Variants in RIT2 observed in about 807,000 individuals in gnomAD.
The protein encoded by RIT2 is Ras like without CAAX 2.
RIT2 carries 24 observed loss-of-function variants against 23.7 expected under a neutral mutation model. The observed-to-expected ratio is 1.01, with a 90% CI of 0.73 to 1.43. RIT2 has a LOEUF of 1.43. RIT2 is among the 40% of genes most tolerant of loss of function. The pLI is 0.00. For synonymous variants in RIT2, 107 were observed against 91.1 expected (o/e 1.17, Z -0.99); for missense variants, 236 against 266.9 (o/e 0.88, Z 0.81).
intron 2 of RIT2, among the ~76,000 whole-genome samples, chr18:43,031,231 G>A (rs1035032098): frequency 6.6e-6 from 1 of 151,588 alleles, no homozygotes; most frequent in Non-Finnish European, 1.5e-5. Context: ...GAGATTATCT[G>A]CTCTAAACTA....
intron 4 of RIT2, among the ~76,000 whole-genome samples, chr18:42,860,978 T>C (rs1356589657): frequency 6.6e-6 from 1 of 152,238 alleles, no homozygotes; most frequent in Non-Finnish European, 1.5e-5. Context: ...TGTTTTTGTG[T>C]GTTTCTGTAT....
intron 1 of RIT2, among the ~76,000 whole-genome samples, chr18:43,076,867 G>A (rs1253203092): frequency 6.6e-6 from 1 of 151,982 alleles, no homozygotes; most frequent in African/African-American, 2.4e-5. Flanking sequence ...ACTTTGGGAG[G>A]CCGAGGCGGG....
chr18:42,769,149 T>G lies in RIT2; in HGVS notation c.427-25429A>C, dbSNP rs540912700. Among the ~76,000 whole-genome samples the G allele has an allele frequency of 2.6e-5, 4 of 152,212 alleles. No individual in the cohort carries two copies. In the South Asian group the frequency reaches 8.3e-4, roughly 32 times the overall value. On this transcript the variant is annotated intron_variant, in intron 4 of 4. Coordinates refer to ENST00000326695, the MANE Select transcript of RIT2 (RefSeq NM_002930.4). ...GAAGTGTTTCTACCTAAGAAAAAAGTCAATAGAAAGGTAATAAGAAGAAAG... is the reference window on the plus strand; with the variant it reads ...GAAGTGTTTCTACCTAAGAAAAAAGGCAATAGAAAGGTAATAAGAAGAAAG...
chr18:42,827,897 CGGGA>C (rs1906344172), intron 4 of RIT2, among the ~76,000 whole-genome samples: 1 of 146,320 alleles, frequency 6.8e-6, no homozygotes, highest in Admixed American at 7.0e-5. Flanking sequence ...CCCAGCTACT[CGGGA>C]GGCTGAGGCA....
chr18:42,934,533 C>A (rs1026940470), intron 3 of RIT2, among the ~76,000 whole-genome samples: 1 of 151,906 alleles, frequency 6.6e-6, no homozygotes, highest in African/African-American at 2.4e-5. Flanking sequence ...TGTGAGATGC[C>A]TCAAGATGGA....
chr18:42,846,579 A>G (rs1482752823), intron 4 of RIT2, among the ~76,000 whole-genome samples: 2 of 152,026 alleles, frequency 1.3e-5, no homozygotes, highest in Non-Finnish European at 2.9e-5. Flanking sequence ...CAATATATAA[A>G]TGAACATTAA....
At chr18:43,110,813 A>T (rs1259803981) in intron 1 of RIT2, among the ~76,000 whole-genome samples, 2 of 152,126 alleles carry the variant, frequency 1.3e-5, no homozygotes, top group African/African-American at 4.8e-5. Context: ...TTGTTTCTTA[A>T]GTAGTTTTCT....
At chr18:42,801,139 T>C (rs553425287) in intron 4 of RIT2, among the ~76,000 whole-genome samples, 2 of 152,186 alleles carry the variant, frequency 1.3e-5, no homozygotes, top group East Asian at 1.9e-4. Context: ...GTGGTGATGA[T>C]GGCGATGGTG....
intron 4 of RIT2, among the ~76,000 whole-genome samples, chr18:42,888,217 G>T (rs187194695): frequency 8.6e-5 from 13 of 151,540 alleles, no homozygotes; most frequent in Admixed American, 7.9e-4. Flanking sequence ...CTGTGGCGGG[G>T]GATTTTAATT....
chr18:42,937,320 C>T (rs2144153122), intron 3 of RIT2, among the ~76,000 whole-genome samples: 1 of 152,220 alleles, frequency 6.6e-6, no homozygotes, highest in East Asian at 1.9e-4. Flanking sequence ...AATTTTTATT[C>T]TTGAATAATT....
intron 4 of RIT2, among the ~76,000 whole-genome samples, chr18:42,759,224 A>T (rs1913239148): frequency 6.6e-6 from 1 of 152,110 alleles, no homozygotes; most frequent in African/African-American, 2.4e-5. Context: ...ATCTCTGTTA[A>T]TGACTGTCTA....
At chr18:43,012,788 T>G (rs1163180336) in intron 2 of RIT2, among the ~76,000 whole-genome samples, 3 of 151,774 alleles carry the variant, frequency 2.0e-5, no homozygotes, top group African/African-American at 7.2e-5. Flanking sequence ...ACTCCACATT[T>G]TATGGCAGAT....
At chr18:42,772,857 C>T (rs1313298709) in intron 4 of RIT2, among the ~76,000 whole-genome samples, 1 of 152,112 alleles carries the variant, frequency 6.6e-6, no homozygotes, top group Non-Finnish European at 1.5e-5. Flanking sequence ...GATTTTTGCC[C>T]TTACCTTTGG....
chr18:42,794,164 TC>T (rs1914103028), intron 4 of RIT2, among the ~76,000 whole-genome samples: 1 of 152,168 alleles, frequency 6.6e-6, no homozygotes, highest in African/African-American at 2.4e-5. Flanking sequence ...AGGCACTCCT[TC>T]TTTTCCTCCT....
chr18:43,100,937 G>A (rs935475384), intron 1 of RIT2, among the ~76,000 whole-genome samples: 2 of 151,450 alleles, frequency 1.3e-5, no homozygotes, highest in African/African-American at 2.4e-5. Flanking sequence ...TTCCTTTTGT[G>A]TGTGTATGTG....
chr18:43,106,763 G>T (rs1359229311), intron 1 of RIT2, among the ~76,000 whole-genome samples: 2 of 152,148 alleles, frequency 1.3e-5, no homozygotes, highest in African/African-American at 2.4e-5. Flanking sequence ...ATACTCTCAC[G>T]CTGAAGCTGT....
At chr18:42,993,108 C>T (rs1326467881) in intron 2 of RIT2, among the ~76,000 whole-genome samples, 1 of 152,180 alleles carries the variant, frequency 6.6e-6, no homozygotes, top group Non-Finnish European at 1.5e-5. Flanking sequence ...ACCGCAGCAG[C>T]CAGGTGTTCC....
chr18:43,115,030 T>C (rs1914035647), intron 1 of RIT2, among the ~76,000 whole-genome samples: 1 of 152,176 alleles, frequency 6.6e-6, no homozygotes, highest in African/African-American at 2.4e-5. Flanking sequence ...TGTAACTGTG[T>C]TTAATTGAAT....
chr18:42,981,707 G>A (rs970115430), intron 2 of RIT2, among the ~76,000 whole-genome samples: 1 of 151,882 alleles, frequency 6.6e-6, no homozygotes, highest in African/African-American at 2.4e-5. Context: ...CATATTTTAA[G>A]GGAATTCCTT....
Sources: allele counts gnomAD v4.1 joint callset (sites outside exome capture counted in the v4.1 genomes callset), GRCh38; gene constraint gnomAD v4.1.1; transcripts MANE v1.5; gene names NCBI Gene and HGNC (gene_info 2026-07-23, HGNC 2026-07-21).